The following TMTC2 variants were observed in gnomAD, a reference collection of about 807,000 sequenced individuals.
The protein encoded by TMTC2 is transmembrane O-mannosyltransferase targeting cadherins 2, also known as protein O-mannosyl-transferase TMTC2.
TMTC2 carries 43 observed loss-of-function variants against 82.4 expected under a neutral mutation model. The ratio of observed to expected loss-of-function variants is 0.52; its 90% confidence interval spans 0.41 to 0.67. The LOEUF (loss-of-function observed/expected upper bound fraction) is 0.67, where lower values mean the gene tolerates loss of function less well. Among genes scored for constraint, TMTC2 ranks in the 30% least tolerant of loss-of-function variants. The pLI is 0.00. For synonymous variants in TMTC2, 408 were observed against 381.9 expected (o/e 1.07, Z -0.80); for missense variants, 919 against 1,012.4 (o/e 0.91, Z 1.25).
intron 4 of TMTC2, among the ~76,000 whole-genome samples, chr12:82,954,369 C>A (rs1304912173): frequency 6.6e-6 from 1 of 152,104 alleles, no homozygotes; most frequent in Admixed American, 6.5e-5. Context: ...TTTATCATGA[C>A]CCTCTCTACA....
intron 1 of TMTC2, among the ~76,000 whole-genome samples, chr12:82,746,081 A>G (rs901761560): frequency 2.0e-5 from 3 of 152,204 alleles, no homozygotes; most frequent in Non-Finnish European, 2.9e-5. Context: ...TATGGAATAC[A>G]TTTAAGAATT....
intron 11 of TMTC2, among the ~76,000 whole-genome samples, chr12:83,086,802 T>C (rs1883675860): frequency 6.6e-6 from 1 of 152,246 alleles, no homozygotes; most frequent in Admixed American, 6.5e-5. Flanking sequence ...TAAAAAATGC[T>C]AACGGTCATC....
chr12:82,725,098 C>A (rs1874386508), intron 1 of TMTC2, among the ~76,000 whole-genome samples: 2 of 151,856 alleles, frequency 1.3e-5, no homozygotes, highest in African/African-American at 2.4e-5. Flanking sequence ...GATTAAGAGG[C>A]CTTTCTCCTT....
rs1879687598 is a variant in TMTC2 at position 82,997,354 on chromosome 12, A to ATATATGTG, written c.2070+11313_2070+11314insGTGTATAT. Among the ~76,000 whole-genome samples the ATATATGTG allele has an allele frequency of 1.0e-4, 3 of 28,900 alleles. 1 individual carries two copies. Among genetic ancestry groups the ATATATGTG allele is most frequent in the African/African-American group, 3.1e-4 (3 of 9,552 alleles). 19.0% of individuals were successfully genotyped at this position (28,900 alleles called of 152,430 possible). ...TGTGTGTGTGTGTGTGTGTGTATAT[A>ATATATGTG]TATATATATATGTGTATATATATAT... On this transcript the variant is annotated intron_variant, in intron 8 of 11. Coordinates refer to ENST00000321196, the MANE Select transcript of TMTC2 (RefSeq NM_152588.3).
Position 82,755,119 on chromosome 12 carries a change from A to G in TMTC2, c.83+67450A>G, listed in dbSNP as rs556723713. On this transcript the variant is annotated intron_variant, in intron 1 of 11. Coordinates refer to ENST00000321196, the MANE Select transcript of TMTC2 (RefSeq NM_152588.3). ...GTTGCTTTGAGGGAAAAGTTCTTCA[A>G]ATTCATCAGTGTTGTGGGGAAATGT... Among the ~76,000 whole-genome samples the G allele has an allele frequency of 8.5e-5, 13 of 152,330 alleles. No homozygotes were observed. In the South Asian group the frequency reaches 1.0e-3, roughly 12 times the overall value.
At chr12:83,005,409 G>T (rs1397518500) in intron 8 of TMTC2, among the ~76,000 whole-genome samples, 1 of 151,492 alleles carries the variant, frequency 6.6e-6, no homozygotes, top group Non-Finnish European at 1.5e-5. Flanking sequence ...CAGCACCTTT[G>T]CAGTAGTGCT....
chr12:82,698,356 T>A (rs1211941016), intron 1 of TMTC2, among the ~76,000 whole-genome samples: 2 of 152,188 alleles, frequency 1.3e-5, no homozygotes, highest in African/African-American at 4.8e-5. Context: ...GAACTCAGTA[T>A]TTTAATTGGT....
At chr12:83,078,856 C>T (rs1247476885) in intron 11 of TMTC2, among the ~76,000 whole-genome samples, 1 of 151,856 alleles carries the variant, frequency 6.6e-6, no homozygotes, top group Non-Finnish European at 1.5e-5. Flanking sequence ...AAATAACAGG[C>T]TAAGGAGGGC....
intron 1 of TMTC2, among the ~76,000 whole-genome samples, chr12:82,718,766 A>G (rs2136922997): frequency 6.6e-6 from 1 of 152,166 alleles, no homozygotes; most frequent in East Asian, 1.9e-4. Flanking sequence ...ATGTTTGTGG[A>G]AATTTAACTC....
At chr12:83,113,303 G>T (rs1483243513) in intron 11 of TMTC2, among the ~76,000 whole-genome samples, 1 of 152,120 alleles carries the variant, frequency 6.6e-6, no homozygotes, top group African/African-American at 2.4e-5. Context: ...ATAAAAATTT[G>T]GAAGCTATTA....
chr12:82,893,773 A>G (rs527453858), intron 2 of TMTC2, among the ~76,000 whole-genome samples: 121 of 152,348 alleles, frequency 7.9e-4, no homozygotes, highest in Middle Eastern at 3.4e-3. Flanking sequence ...CCCTAAATGA[A>G]TTACAAACTT....
intron 1 of TMTC2, among the ~76,000 whole-genome samples, chr12:82,814,335 A>G (rs1299124021): frequency 6.6e-6 from 1 of 152,176 alleles, no homozygotes; most frequent in African/African-American, 2.4e-5. Context: ...AAGAGGCATA[A>G]AAGAATGAGA....
At chr12:82,893,379 AAAAAAGAAAAG>A (rs1454722368) in intron 2 of TMTC2, among the ~76,000 whole-genome samples, 5 of 148,938 alleles carry the variant, frequency 3.4e-5, no homozygotes, top group African/African-American at 1.3e-4. Flanking sequence ...CAAAAAAAAA[AAAAAAGAAAAG>A]AAAAGAAAAG....
chr12:82,979,728 G>A (rs1878839081), intron 7 of TMTC2, among the ~76,000 whole-genome samples: 1 of 151,572 alleles, frequency 6.6e-6, no homozygotes, highest in Non-Finnish European at 1.5e-5. Context: ...TGCTTATAAA[G>A]GTCATTTTCT....
At chr12:83,015,318 T>C (rs1334777960) in intron 8 of TMTC2, among the ~76,000 whole-genome samples, 1 of 152,212 alleles carries the variant, frequency 6.6e-6, no homozygotes, top group African/African-American at 2.4e-5. Context: ...CAAGGAATGA[T>C]GTCAAATTGA....
intron 1 of TMTC2, among the ~76,000 whole-genome samples, chr12:82,793,920 C>T (rs143694962): frequency 2.6e-5 from 4 of 152,224 alleles, no homozygotes; most frequent in African/African-American, 7.2e-5. Flanking sequence ...ACTGTATATG[C>T]GACTTGGGAA....
In TMTC2 at chr12:83,132,303, A is replaced by C; in HGVS notation, c.2425A>C (p.Lys809Gln). The C allele has an allele frequency of 1.2e-6, 2 of 1,614,052 alleles. No homozygotes were observed. Among genetic ancestry groups the C allele is most frequent in the South Asian group, 2.2e-5 (2 of 91,056 alleles). Residue 809 changes from lysine to glutamine, a missense_variant, in exon 12 of 12, where the codon AAG (lysine) becomes CAG (glutamine). Coordinates refer to ENST00000321196, the MANE Select transcript of TMTC2 (RefSeq NM_152588.3). ...EANYLRALQLKPDDVITQSNL... is the reference protein window; with the variant it reads ...EANYLRALQLQPDDVITQSNL... ...CAACTACCTGCGGGCCCTGCAGCTC[A>C]AGCCAGACGATGTCATCACACAGTC...
At chr12:82,783,841 C>G (rs1592519096) in intron 1 of TMTC2, among the ~76,000 whole-genome samples, 1 of 152,020 alleles carries the variant, frequency 6.6e-6, no homozygotes, top group South Asian at 2.1e-4. Context: ...AAGCAGCAAT[C>G]AACCTCAAAT....
At chr12:83,123,419 A>G (rs1212816011) in intron 11 of TMTC2, among the ~76,000 whole-genome samples, 1 of 152,176 alleles carries the variant, frequency 6.6e-6, no homozygotes, top group Non-Finnish European at 1.5e-5. Context: ...TTCCCTTGCT[A>G]TGTCTCCAAT....
Sources: allele counts gnomAD v4.1 joint callset (sites outside exome capture counted in the v4.1 genomes callset), GRCh38; gene constraint gnomAD v4.1.1; transcripts MANE v1.5; gene names NCBI Gene and HGNC (gene_info 2026-07-23, HGNC 2026-07-21).